HMCN1: variants seen among roughly 807,000 people sequenced by gnomAD.
HMCN1 encodes hemicentin 1.
A neutral mutation model predicts 625.9 loss-of-function variants in HMCN1; 321 were observed. That is an observed-to-expected ratio of 0.51 (90% CI 0.47 to 0.56). The LOEUF (loss-of-function observed/expected upper bound fraction) is 0.56, where lower values mean the gene tolerates loss of function less well. HMCN1 is among the 20% of genes least tolerant of loss of function. The probability of loss-of-function intolerance (pLI) is 0.00; values close to 1 mark genes in which losing one functional copy is unlikely to be tolerated. For synonymous variants in HMCN1, 2,425 were observed against 2,417.6 expected, an observed-to-expected ratio of 1.00 and a Z score of -0.09; for missense variants, 6,588 against 6,887.3, an observed-to-expected ratio of 0.96 and a Z score of 1.54.
intron 23 of HMCN1, 132 bp from the exon 24 acceptor site, chr1:185,994,683 C>T (rs540681704): frequency 7.8e-5 from 67 of 861,642 alleles, no homozygotes; most frequent in Middle Eastern, 3.3e-4. Context: ...GTGAATGATC[C>T]GAGCCTAGGT....
At chr1:185,793,469 G>T (rs1447133453) in intron 1 of HMCN1, among the ~76,000 whole-genome samples, 1 of 152,110 alleles carries the variant, frequency 6.6e-6, no homozygotes, top group Non-Finnish European at 1.5e-5. Flanking sequence ...GAATAATCCA[G>T]GATAATCTCC....
chr1:185,984,482 C>T (rs1015460206), intron 19 of HMCN1, among the ~76,000 whole-genome samples, 169 bp downstream of exon 19: 7 of 152,038 alleles, frequency 4.6e-5, no homozygotes, highest in African/African-American at 1.7e-4. Context: ...CCAGATTTCC[C>T]TTTTTTATGT....
At chr1:186,038,487 T>C (rs899225079) in intron 37 of HMCN1, among the ~76,000 whole-genome samples, 2 of 152,194 alleles carry the variant, frequency 1.3e-5, no homozygotes, top group Non-Finnish European at 2.9e-5. Flanking sequence ...GGATGGTATT[T>C]GGTTTGATTA....
intron 6 of HMCN1, among the ~76,000 whole-genome samples, chr1:185,918,728 A>G (rs1032248293): frequency 1.3e-5 from 2 of 152,204 alleles, no homozygotes; most frequent in African/African-American, 4.8e-5. Context: ...CACTCAGAGG[A>G]GTAACGTGGC....
chr1:185,965,048 T>C (rs1299737453), intron 13 of HMCN1, among the ~76,000 whole-genome samples: 1 of 152,036 alleles, frequency 6.6e-6, no homozygotes, highest in African/African-American at 2.4e-5. Context: ...AGAAATTACA[T>C]GATCTGTGAG....
intron 71 of HMCN1, among the ~76,000 whole-genome samples, chr1:186,109,818 T>C (rs1660791052): frequency 6.6e-6 from 1 of 152,208 alleles, no homozygotes; most frequent in African/African-American, 2.4e-5. Flanking sequence ...CTTTGATGGT[T>C]CCCCATAGAT....
intron 97 of HMCN1, among the ~76,000 whole-genome samples, chr1:186,157,576 G>A (rs894621089): frequency 6.6e-5 from 10 of 152,224 alleles, no homozygotes; most frequent in Admixed American, 4.6e-4. Flanking sequence ...ATGCTGGTGC[G>A]CTGCACCCAC....
At chr1:185,863,832 T>C (rs1294047136) in intron 2 of HMCN1, among the ~76,000 whole-genome samples, 1 of 152,134 alleles carries the variant, frequency 6.6e-6, no homozygotes, top group African/African-American at 2.4e-5. Context: ...AGAATGCATT[T>C]TATGTCAGAT....
chr1:185,992,485 T>C (rs960362984), intron 22 of HMCN1, among the ~76,000 whole-genome samples: 1 of 152,194 alleles, frequency 6.6e-6, no homozygotes, highest in African/African-American at 2.4e-5. Flanking sequence ...GGAGAGCCAG[T>C]TGCCCGACAT....
At chr1:185,989,455 A>G in intron 20 of HMCN1, 33 bp from the exon 21 acceptor site, 1 of 1,588,172 alleles carries the variant, frequency 6.3e-7, no homozygotes. Flanking sequence ...ACAAACAAAC[A>G]AAAAACCCTT....
At chr1:186,039,657 T>G in intron 38 of HMCN1, 71 bp from the exon 39 acceptor site, 1 of 1,461,576 alleles carries the variant, frequency 6.8e-7, no homozygotes, top group Non-Finnish European at 9.6e-7. Context: ...AGACATTAGA[T>G]GTAGTTTTCA....
At position 186,119,773 on chromosome 1, in the gene HMCN1, T is replaced by A; in HGVS notation, c.11985T>A (p.Ser3995Arg). The A allele has an allele frequency of 6.2e-7, 1 of 1,614,024 alleles. No individual in the cohort carries two copies. The highest frequency in any genetic ancestry group is 1.3e-5 in the African/African-American group (1 of 75,004). ...CTCCAGTCATTCAGCCCCAACCAAG[T>A]GAACTACACGTCATTCTGAACAATC... ...HEPPVIQPQP[S>R]ELHVILNNPI... The change falls in exon 79 of 107, where the codon AGT becomes AGA. Residue 3995 changes from serine (S) to arginine (R), a missense_variant. By Grantham distance (110) the Ser-to-Arg change is moderately radical. Coordinates refer to ENST00000271588, the MANE Select transcript of HMCN1 (RefSeq NM_031935.3).
intron 4 of HMCN1, among the ~76,000 whole-genome samples, chr1:185,875,974 T>C (rs1018060543): frequency 6.6e-6 from 1 of 152,098 alleles, no homozygotes; most frequent in Admixed American, 6.6e-5. Context: ...CCTGGATATG[T>C]TGTGTAATGG....
intron 75 of HMCN1, among the ~76,000 whole-genome samples, chr1:186,116,599 T>C (rs911856427): frequency 1.8e-4 from 27 of 152,154 alleles, no homozygotes; most frequent in Non-Finnish European, 3.4e-4. Flanking sequence ...AATTTAAAGA[T>C]AATTTATGCA....
chr1:185,949,327 T>G (rs1407646840), intron 11 of HMCN1, among the ~76,000 whole-genome samples: 1 of 151,736 alleles, frequency 6.6e-6, no homozygotes, highest in Non-Finnish European at 1.5e-5. Context: ...TCTAAGTTGG[T>G]CTGGTGTCTG....
At position 185,984,681 on chromosome 1, in the gene HMCN1, G is replaced by A. The variant is rs141615483; in HGVS notation, c.2935+368G>A. 2.7e-3 allele frequency among the ~76,000 whole-genome samples: 418 copies of A among 152,248 alleles called. 2 individuals carry two copies. The highest frequency in any genetic ancestry group is 9.3e-3 in the African/African-American group (385 of 41,548). The stretch of plus-strand genomic sequence containing the variant: ...TCTTTTTGGATTGTGCAACCAGCAT[G>A]TCCTTACTAATGACCCCTTTGTGCT... On this transcript the variant is annotated intron_variant, in intron 19 of 106. Coordinates refer to ENST00000271588, the MANE Select transcript of HMCN1 (RefSeq NM_031935.3).
At chr1:186,113,295 G>A (rs79246819) in intron 72 of HMCN1, among the ~76,000 whole-genome samples, 1,643 of 152,288 alleles carry the variant, frequency 0.011, 32 homozygotes, top group South Asian at 0.035. Context: ...TTTATTGATG[G>A]TGGCTTGAGA....
chr1:185,875,645 G>A (rs922575189), intron 4 of HMCN1, among the ~76,000 whole-genome samples: 1 of 151,894 alleles, frequency 6.6e-6, no homozygotes, highest in Non-Finnish European at 1.5e-5. Flanking sequence ...CTTGCCCTGA[G>A]CATCTGTGAT....
rs149769201 is a variant in HMCN1 at position 185,927,398 on chromosome 1, T to TG, written c.1431-1146dup. Among the ~76,000 whole-genome samples, 579 of 152,328 alleles carry TG rather than the reference T, an allele frequency of 3.8e-3. 27 individuals are homozygous for TG. In the East Asian group the frequency reaches 0.09, roughly 24 times the overall value. On this transcript the variant is annotated intron_variant, in intron 9 of 106. Transcript: ENST00000271588. ...TTCTGAAAGTGACAAGAAGAACCACTGGCATGTAGTGCCTACAGAATTGAA... is the reference window on the plus strand; with the variant it reads ...TTCTGAAAGTGACAAGAAGAACCACTGGGCATGTAGTGCCTACAGAATTGAA...
Sources: gnomAD v4.1 joint callset for allele counts (sites outside exome capture counted in the v4.1 genomes callset) on GRCh38, gnomAD v4.1.1 for gene constraint, MANE v1.5 for transcripts, NCBI Gene and HGNC (gene_info 2026-07-23, HGNC 2026-07-21) for gene names.